Variants in FAM222B observed in about 807,000 individuals in gnomAD.
The protein encoded by FAM222B is protein FAM222B.
A neutral mutation model predicts 38.0 loss-of-function variants in FAM222B; 12 were observed. That is an observed-to-expected ratio of 0.32 (90% CI 0.20 to 0.51). The LOEUF is 0.51. FAM222B is among the 20% of genes least tolerant of loss of function. FAM222B has a pLI of 0.97. For missense variants in FAM222B, 716 were observed against 754.2 expected, an observed-to-expected ratio of 0.95 and a Z score of 0.59; for synonymous variants, 329 against 317.2, an observed-to-expected ratio of 1.04 and a Z score of -0.40.
In FAM222B at chr17:28,759,760, T is replaced by G; in HGVS notation, c.199A>C (p.Lys67Gln). 1 of 1,613,708 alleles carries G rather than the reference T, an allele frequency of 6.2e-7. No homozygotes were observed. The highest frequency in any genetic ancestry group is 8.5e-7 in the Non-Finnish European group (1 of 1,179,754). Reference sequence around the variant, plus strand: ...CGAACGTGTTTCCGCTGGGGAACCTTCACACTGTTGGGGAAGATTTTTATA... The same window carrying G: ...CGAACGTGTTTCCGCTGGGGAACCTGCACACTGTTGGGGAAGATTTTTATA... ...LTIKIFPNSV[K>Q]VPQRKHVRRT... The change falls in exon 3 of 3, where the codon AAG (lysine) becomes CAG (glutamine). Residue 67 changes from lysine (K) to glutamine (Q), a missense_variant. Transcript: ENST00000581407. The surrounding 1 kb of genome is among the most constrained non-coding windows in gnomAD (Gnocchi z 4.8).
At chr17:28,763,990 A>C (rs1181028161) in intron 2 of FAM222B, among the ~76,000 whole-genome samples, 1 of 152,166 alleles carries the variant, frequency 6.6e-6, no homozygotes, top group Non-Finnish European at 1.5e-5. Flanking sequence ...AGGAAATCAA[A>C]GTTGTTATCT....
At chr17:28,788,034 G>A (rs867898815) in intron 1 of FAM222B, among the ~76,000 whole-genome samples, 1 of 152,076 alleles carries the variant, frequency 6.6e-6, no homozygotes, top group Non-Finnish European at 1.5e-5. Flanking sequence ...ATGTTGGTCA[G>A]GCTAGTTTTG....
chr17:28,802,013 A>G (rs1462292458), intron 1 of FAM222B, among the ~76,000 whole-genome samples: 14 of 151,620 alleles, frequency 9.2e-5, no homozygotes, highest in African/African-American at 2.7e-4. Flanking sequence ...AATGCAAAAA[A>G]AAAAAAAGAA....
At chr17:28,785,153 G>A (rs2151852904) in intron 1 of FAM222B, among the ~76,000 whole-genome samples, 1 of 152,154 alleles carries the variant, frequency 6.6e-6, no homozygotes, top group East Asian at 1.9e-4. Context: ...TAAGTAACTT[G>A]TTCTGTGATA....
At position 28,758,908 on chromosome 17, in the gene FAM222B, G is replaced by C. The variant is rs756972270; in HGVS notation, c.1051C>G (p.Arg351Gly). The change falls in exon 3 of 3, where the codon CGC (arginine) becomes GGC (glycine). Residue 351 changes from arginine (R) to glycine (G), a missense_variant. Transcript: ENST00000581407. ...TCGCTAGGGTAGCCAGTGGGGACGC[G>C]AGAGATGCCTGTGGGCAGGTTGACA... ...GPVNLPTGIS[R>G]VPTGYPSDLK... The C allele has an allele frequency of 1.9e-6, 3 of 1,609,296 alleles. No individual in the cohort carries two copies. Among genetic ancestry groups the C allele is most frequent in the East Asian group, 2.2e-5 (1 of 44,682 alleles).
At chr17:28,765,828 T>A (rs1597853502) in intron 2 of FAM222B, among the ~76,000 whole-genome samples, 1 of 152,264 alleles carries the variant, frequency 6.6e-6, no homozygotes, top group South Asian at 2.1e-4. Context: ...CTCCATCTCT[T>A]CTGAGGGCAA....
At chr17:28,782,804 T>G (rs1261382805) in intron 1 of FAM222B, among the ~76,000 whole-genome samples, 2 of 151,658 alleles carry the variant, frequency 1.3e-5, no homozygotes, top group African/African-American at 4.8e-5. Flanking sequence ...GGAGTTTGTG[T>G]CCACTCTGTG....
At chr17:28,785,748 TG>T (rs926323587) in intron 1 of FAM222B, among the ~76,000 whole-genome samples, 22 of 151,708 alleles carry the variant, frequency 1.5e-4, no homozygotes, top group African/African-American at 5.3e-4. Context: ...TAGCCTAGGC[TG>T]GAGTGCAATG....
intron 1 of FAM222B, among the ~76,000 whole-genome samples, chr17:28,799,687 A>T (rs147989511): frequency 6.6e-6 from 1 of 152,298 alleles, no homozygotes; most frequent in East Asian, 1.9e-4. Flanking sequence ...AGCTCACTGC[A>T]GCCTCAAACT....
intron 1 of FAM222B, among the ~76,000 whole-genome samples, chr17:28,794,945 TAGAC>T (rs899234639): frequency 9.2e-5 from 14 of 151,766 alleles, no homozygotes; most frequent in Admixed American, 8.5e-4. Flanking sequence ...ATACAAAAAT[TAGAC>T]AGGTGTGGTG....
At chr17:28,774,954 T>TTAAATAAA (rs534458509) in intron 1 of FAM222B, among the ~76,000 whole-genome samples, 1 of 148,852 alleles carries the variant, frequency 6.7e-6, no homozygotes, top group African/African-American at 2.5e-5. Flanking sequence ...AATAAATAAA[T>TTAAATAAA]TAAATAAATA....
intron 1 of FAM222B, among the ~76,000 whole-genome samples, chr17:28,816,903 T>C (rs2038047060): frequency 6.6e-6 from 1 of 152,186 alleles, no homozygotes; most frequent in African/African-American, 2.4e-5. Flanking sequence ...GGGTTTTAAC[T>C]GGCTGCACTT....
chr17:28,829,307 C>T (rs552236039), intron 1 of FAM222B, among the ~76,000 whole-genome samples: 32 of 151,714 alleles, frequency 2.1e-4, no homozygotes, highest in African/African-American at 7.3e-4. Flanking sequence ...CTCCGCCTCC[C>T]GGGTTCAAGC....
At chr17:28,828,952 G>A (rs540274298) in intron 1 of FAM222B, among the ~76,000 whole-genome samples, 1 of 151,626 alleles carries the variant, frequency 6.6e-6, no homozygotes, top group African/African-American at 2.4e-5. Context: ...TCACCGGGCT[G>A]AAGTGCAGTA....
intron 1 of FAM222B, among the ~76,000 whole-genome samples, chr17:28,817,530 G>C (rs1206853193): frequency 6.6e-6 from 1 of 152,164 alleles, no homozygotes; most frequent in Admixed American, 6.6e-5. Flanking sequence ...AGACCAGCCA[G>C]GCCAACATGG....
intron 1 of FAM222B, among the ~76,000 whole-genome samples, chr17:28,814,770 CTTTTT>C (rs35921944): frequency 1.7e-5 from 2 of 117,578 alleles, no homozygotes; most frequent in African/African-American, 6.4e-5. Flanking sequence ...CCAGGCCGAT[CTTTTT>C]TTTTTTTTTT....
intron 1 of FAM222B, among the ~76,000 whole-genome samples, chr17:28,805,875 G>C (rs9915673): frequency 0.19 from 28,722 of 151,894 alleles, 2,846 homozygotes; most frequent in South Asian, 0.3. Flanking sequence ...GGCACGGTGG[G>C]TCACGCCTGT....
chr17:28,854,914 C>G, intron 1 of FAM222B: 1 of 1,104,308 alleles, frequency 9.1e-7, no homozygotes, highest in Non-Finnish European at 1.3e-6. Context: ...CCGCCCACAT[C>G]CCATGTGTCT....
intron 1 of FAM222B, among the ~76,000 whole-genome samples, chr17:28,778,771 C>T (rs1323636860): frequency 8.0e-6 from 1 of 125,352 alleles, no homozygotes; most frequent in South Asian, 2.6e-4. Flanking sequence ...TGCCATGTTG[C>T]CCAGCCTGGT....
Sources: allele counts gnomAD v4.1 joint callset (sites outside exome capture counted in the v4.1 genomes callset), GRCh38; gene constraint gnomAD v4.1.1; non-coding constraint Gnocchi (gnomAD v3.1); transcripts MANE v1.5; gene names NCBI Gene and HGNC (gene_info 2026-07-23, HGNC 2026-07-21).